Variants in CDH18 observed in about 807,000 individuals in gnomAD.
CDH18 encodes the protein cadherin 18, also known as cadherin-18.
In CDH18, 31 loss-of-function variants were observed where a neutral mutation model predicts 67.9. The observed-to-expected ratio is 0.46, with a 90% CI of 0.34 to 0.62. The LOEUF (loss-of-function observed/expected upper bound fraction) is 0.62, where lower values mean the gene tolerates loss of function less well. Ranked by LOEUF, CDH18 falls within the 20% of genes least tolerant of loss-of-function variation. CDH18 has a pLI of 0.01. For missense variants in CDH18, 890 were observed against 975.5 expected (o/e 0.91, Z 1.17); for synonymous variants, 362 against 347.2 (o/e 1.04, Z -0.48).
At chr5:19,682,830 A>T (rs1760531568) in intron 5 of CDH18, among the ~76,000 whole-genome samples, 1 of 152,126 alleles carries the variant, frequency 6.6e-6, no homozygotes, top group Non-Finnish European at 1.5e-5. Flanking sequence ...TCATCCAGCC[A>T]TCTTAAGCAG....
Position 20,351,160 on chromosome 5 carries a change from TTGTG to T in CDH18, c.-579-95659_-579-95656del, listed in dbSNP as rs375375615. 3.2e-3 allele frequency among the ~76,000 whole-genome samples: 426 copies of T among 132,134 alleles called. 3 individuals carry two copies. The highest frequency in any genetic ancestry group is 0.019 in the Middle Eastern group (5 of 270). 86.7% of individuals were successfully genotyped at this position (132,134 alleles called of 152,430 possible). ...CCTGCTCCAAACATAGTAAATGTAT[TTGTG>T]TGTGTGTGTGTGTGTGTGTGTGTGT... On this transcript the variant is annotated intron_variant, in intron 1 of 14. Transcript: ENST00000507958.
chr5:19,803,492 T>C (rs958583599), intron 3 of CDH18, among the ~76,000 whole-genome samples: 1 of 152,166 alleles, frequency 6.6e-6, no homozygotes, highest in Non-Finnish European at 1.5e-5. Context: ...ATGTAGCTAG[T>C]GACTATCGTA....
chr5:19,965,725 A>C (rs1442514622), intron 2 of CDH18, among the ~76,000 whole-genome samples: 1 of 152,110 alleles, frequency 6.6e-6, no homozygotes, highest in Non-Finnish European at 1.5e-5. Context: ...TTAAGGAGGA[A>C]GGAGGAAGAG....
At chr5:20,327,676 A>G (rs376517582) in intron 1 of CDH18, among the ~76,000 whole-genome samples, 2 of 152,262 alleles carry the variant, frequency 1.3e-5, no homozygotes, top group East Asian at 3.9e-4. Flanking sequence ...TGAAGTATGC[A>G]TATTTTCAGA....
chr5:19,816,601 T>A (rs1779309916), intron 3 of CDH18, among the ~76,000 whole-genome samples: 2 of 151,826 alleles, frequency 1.3e-5, no homozygotes, highest in Admixed American at 1.3e-4. Flanking sequence ...TTGGTAAATA[T>A]GAAACATAAA....
chr5:19,901,054 T>G (rs1579501704), intron 2 of CDH18, among the ~76,000 whole-genome samples: 1 of 152,156 alleles, frequency 6.6e-6, no homozygotes, highest in African/African-American at 2.4e-5. Flanking sequence ...TTTATAAAAT[T>G]TGGAAAATTA....
At chr5:20,230,799 T>C (rs1257050890) in intron 2 of CDH18, among the ~76,000 whole-genome samples, 2 of 152,114 alleles carry the variant, frequency 1.3e-5, no homozygotes, top group Admixed American at 6.6e-5. Context: ...TAAACTGGAA[T>C]TGAATATAGC....
Position 20,250,678 on chromosome 5 carries a change from C to T in CDH18, c.-518+4766G>A, listed in dbSNP as rs547516518. Among the ~76,000 whole-genome samples, 51 of 139,374 alleles carry T rather than the reference C, an allele frequency of 3.7e-4. 1 individual carries two copies. In the South Asian group the frequency reaches 9.4e-3, roughly 26 times the overall value. The allele number at this position is 139,374 out of a possible 152,430, so 91.4% of individuals were successfully genotyped here. ...AGTGCAGTGGTGCCATCTTGCGGCT[C>T]ACTGAAACCTCTGCCTCCTGGGTTC... On this transcript the variant is annotated intron_variant, in intron 2 of 14. Coordinates refer to the CDH18 transcript ENST00000507958.
At chr5:19,587,743 C>A (rs897124290) in intron 7 of CDH18, among the ~76,000 whole-genome samples, 2 of 151,236 alleles carry the variant, frequency 1.3e-5, no homozygotes, top group African/African-American at 4.9e-5. Flanking sequence ...CTCCAGATTT[C>A]TTTTTGCTTA....
At chr5:20,214,725 A>T (rs1279932188) in intron 2 of CDH18, among the ~76,000 whole-genome samples, 3 of 152,098 alleles carry the variant, frequency 2.0e-5, no homozygotes, top group Non-Finnish European at 4.4e-5. Context: ...TAAAACTCAA[A>T]ACTATGCAAA....
intron 5 of CDH18, among the ~76,000 whole-genome samples, chr5:19,633,312 G>T (rs1411137142): frequency 6.6e-6 from 1 of 152,016 alleles, no homozygotes; most frequent in Non-Finnish European, 1.5e-5. Context: ...CAACAAATTA[G>T]AAATCACCAA....
At chr5:20,412,012 T>C (rs1746827804) in intron 1 of CDH18, among the ~76,000 whole-genome samples, 1 of 152,150 alleles carries the variant, frequency 6.6e-6, no homozygotes, top group Non-Finnish European at 1.5e-5. Context: ...ACATCACTTT[T>C]CATAGAATTA....
intron 5 of CDH18, among the ~76,000 whole-genome samples, chr5:19,699,620 GTGTGTGTGTGTGTGTGTGTGTC>G (rs1308402894): frequency 1.8e-5 from 2 of 112,718 alleles, no homozygotes; most frequent in African/African-American, 7.4e-5. Flanking sequence ...CCATGTGTGT[GTGTGTGTGTGTGTGTGTGTGTC>G]TGTGTGTGTG....
intron 5 of CDH18, among the ~76,000 whole-genome samples, chr5:19,696,641 G>T (rs928133968): frequency 2.0e-5 from 3 of 151,806 alleles, no homozygotes; most frequent in South Asian, 2.1e-4. Flanking sequence ...TGATCCTCCC[G>T]CCTCGGCCTC....
intron 1 of CDH18, among the ~76,000 whole-genome samples, chr5:20,483,105 GTGT>G (rs1183437557): frequency 6.6e-6 from 1 of 151,956 alleles, no homozygotes; most frequent in African/African-American, 2.4e-5. Context: ...AAAACCAATA[GTGT>G]TTCTATGTGT....
chr5:19,892,252 T>C (rs1788852486), intron 2 of CDH18, among the ~76,000 whole-genome samples: 1 of 152,138 alleles, frequency 6.6e-6, no homozygotes, highest in Non-Finnish European at 1.5e-5. Flanking sequence ...GACAAGTATA[T>C]CTTTAAAGTG....
At chr5:19,917,618 A>G (rs993818981) in intron 2 of CDH18, among the ~76,000 whole-genome samples, 2 of 152,158 alleles carry the variant, frequency 1.3e-5, no homozygotes, top group Admixed American at 1.3e-4. Flanking sequence ...AGCAAGTGGT[A>G]TTCATTCCGT....
intron 4 of CDH18, among the ~76,000 whole-genome samples, chr5:19,736,600 G>GT (rs1352044085): frequency 1.3e-5 from 2 of 151,950 alleles, no homozygotes; most frequent in Non-Finnish European, 2.9e-5. Flanking sequence ...TATTTTTCTA[G>GT]TTTTTTTGTG....
intron 5 of CDH18, among the ~76,000 whole-genome samples, chr5:19,700,882 G>T (rs1407490356): frequency 2.0e-5 from 3 of 151,420 alleles, no homozygotes; most frequent in Non-Finnish European, 4.4e-5. Context: ...AAAAAAATTA[G>T]GAAATAGAAA....
Sources: allele counts gnomAD v4.1 joint callset (sites outside exome capture counted in the v4.1 genomes callset), GRCh38; gene constraint gnomAD v4.1.1; transcripts MANE v1.5; gene names NCBI Gene and HGNC (gene_info 2026-07-23, HGNC 2026-07-21).